Variants in CUL4A observed in about 807,000 individuals in gnomAD.
CUL4A encodes the protein cullin 4A, also known as cullin-4A.
A neutral mutation model predicts 95.5 loss-of-function variants in CUL4A; 16 were observed. That is an observed-to-expected ratio of 0.17 (90% CI 0.11 to 0.25). The LOEUF (loss-of-function observed/expected upper bound fraction) is 0.25, where lower values mean the gene tolerates loss of function less well. Among genes scored for constraint, CUL4A ranks in the 10% least tolerant of loss-of-function variants. The probability of loss-of-function intolerance (pLI) is 1.00; values close to 1 mark genes in which losing one functional copy is unlikely to be tolerated. For missense variants in CUL4A, 610 were observed against 937.0 expected (o/e 0.65, Z 4.56); for synonymous variants, 380 against 353.1 (o/e 1.08, Z -0.85).
chr13:113,214,968 G>C, intron 2 of CUL4A, among the ~76,000 whole-genome samples: 1 of 150,428 alleles, frequency 6.6e-6, no homozygotes, highest in South Asian at 2.1e-4. Flanking sequence ...CCATGTGGCT[G>C]TGGACATCTT....
chr13:113,242,142 C>G (rs1261692702), intron 10 of CUL4A, among the ~76,000 whole-genome samples: 2 of 152,054 alleles, frequency 1.3e-5, no homozygotes, highest in African/African-American at 4.8e-5. Flanking sequence ...TGGTGAAACC[C>G]CGTCTCTAGC....
At position 113,239,414 on chromosome 13, in the gene CUL4A, C is replaced by A; in HGVS notation, c.917-19C>A. 1 of 1,589,416 alleles carries A rather than the reference C, an allele frequency of 6.3e-7. No individual in the cohort carries two copies. The highest frequency in any genetic ancestry group is 8.6e-7 in the Non-Finnish European group (1 of 1,157,550). ...TGCTGCCCATGCTGTACTCTGCTGA[C>A]GTGTACTGCACATCTCAGGGCTCGA... On this transcript the variant is annotated intron_variant, in intron 9 of 19. Coordinates refer to ENST00000375440, the MANE Select transcript of CUL4A (RefSeq NM_001008895.4).
At chr13:113,229,004 T>C (rs1230104904) in intron 4 of CUL4A, among the ~76,000 whole-genome samples, 4 of 151,036 alleles carry the variant, frequency 2.6e-5, no homozygotes, top group Non-Finnish European at 5.9e-5. Context: ...GGTGGGCGCC[T>C]GTAGTCCCAG....
intron 6 of CUL4A, among the ~76,000 whole-genome samples, 189 bp downstream of exon 6, chr13:113,233,528 A>T (rs1465065784): frequency 6.8e-6 from 1 of 147,810 alleles, no homozygotes; most frequent in Non-Finnish European, 1.5e-5. Flanking sequence ...AAAAGAGAAG[A>T]TAGATCAATA....
chr13:113,224,594 C>T (rs1262463073), intron 3 of CUL4A, among the ~76,000 whole-genome samples: 1 of 152,202 alleles, frequency 6.6e-6, no homozygotes. Context: ...CTAAGTGTGC[C>T]TTTATGATCC....
At chr13:113,245,275 AG>A (rs1203353602) in intron 14 of CUL4A, 38 bp downstream of exon 14, 9 of 1,564,930 alleles carry the variant, frequency 5.8e-6, no homozygotes. Flanking sequence ...CTTTTTAAAA[AG>A]TATCTGTTAG....
intron 15 of CUL4A, among the ~76,000 whole-genome samples, chr13:113,248,348 T>C (rs1019998298): frequency 5.9e-5 from 9 of 152,192 alleles, no homozygotes; most frequent in African/African-American, 1.7e-4. Flanking sequence ...TTCTCTCTCT[T>C]TATATCATTA....
chr13:113,234,379 A>G (rs1177208167), intron 7 of CUL4A, among the ~76,000 whole-genome samples: 1 of 152,220 alleles, frequency 6.6e-6, no homozygotes, highest in East Asian at 1.9e-4. Flanking sequence ...AACATGTAGT[A>G]GTAATAGGAA....
intron 2 of CUL4A, among the ~76,000 whole-genome samples, chr13:113,212,972 T>G (rs940935694): frequency 6.6e-6 from 1 of 152,224 alleles, no homozygotes; most frequent in Non-Finnish European, 1.5e-5. Flanking sequence ...TTCTGGCTAT[T>G]CTTGGTCCCT....
intron 5 of CUL4A, chr13:113,229,999 T>A (rs2041253006): frequency 7.0e-6 from 2 of 286,242 alleles, no homozygotes; most frequent in Non-Finnish European, 1.3e-5. Context: ...CTGGGGCCTT[T>A]CCTCAGCAGC....
chr13:113,266,886 T>C lies in CUL4A; in HGVS notation c.*3304T>C, dbSNP rs1422135939. 1 of 152,232 alleles carries C rather than the reference T, an allele frequency of 6.6e-6. No individual in the cohort carries two copies. Among genetic ancestry groups the C allele is most frequent in the East Asian group, 1.9e-4 (1 of 5,206 alleles). The allele number at this position is 152,232 out of a possible 1,614,324, so 9.4% of individuals were successfully genotyped here. ...TTTTTTTGTAAATTGACTATTATTG[T>C]ATAAATTTATAGAGTATAAAGTGAT... On this transcript the variant is annotated 3_prime_UTR_variant, in exon 20 of 20. Transcript: ENST00000375440.
At chr13:113,209,598 G>C (rs1484593643), upstream of CUL4A, 3 of 1,004,334 alleles carry the variant, frequency 3.0e-6, no homozygotes, top group South Asian at 4.5e-5. Context: ...GGCGGCGCTC[G>C]GGGCGGGGCG....
chr13:113,225,250 T>C (rs1163464787), intron 3 of CUL4A, among the ~76,000 whole-genome samples: 2 of 152,222 alleles, frequency 1.3e-5, no homozygotes, highest in Non-Finnish European at 2.9e-5. Context: ...AGACTCACGG[T>C]GTCTGTGTGT....
At position 113,233,977 on chromosome 13, in the gene CUL4A, G is replaced by T. The variant is rs777156549; in HGVS notation, c.756G>T (p.Gln252His). 6.2e-7 allele frequency: 1 copy of T among 1,605,664 alleles called. No individual in the cohort carries two copies. Among genetic ancestry groups the T allele is most frequent in the East Asian group, 2.2e-5 (1 of 44,640 alleles). ...LYAAEGQRLM[Q>H]EREVPEYLNH... ...CTGCCGAAGGCCAAAGGTTAATGCA[G>T]GAAAGAGAGGTGAGATGATGGGATG... Residue 252 changes from glutamine to histidine, a missense_variant, in exon 7 of 20, where the codon CAG (glutamine) becomes CAT (histidine). Gln to His is a conservative substitution (Grantham distance 24, BLOSUM62 0). Coordinates refer to ENST00000375440, the MANE Select transcript of CUL4A (RefSeq NM_001008895.4).
chr13:113,244,206 A>T, intron 11 of CUL4A: 1 of 470,516 alleles, frequency 2.1e-6, no homozygotes. Context: ...TTAAACATTC[A>T]GTCCTGGCTT....
chr13:113,255,696 A>G (rs1041010631), intron 18 of CUL4A, among the ~76,000 whole-genome samples: 1 of 152,108 alleles, frequency 6.6e-6, no homozygotes, highest in African/African-American at 2.4e-5. Context: ...TTTATTTATT[A>G]GAACGTATTT....
intron 2 of CUL4A, among the ~76,000 whole-genome samples, chr13:113,210,446 T>G (rs760737584): frequency 1.3e-5 from 2 of 152,100 alleles, no homozygotes; most frequent in African/African-American, 4.8e-5. Context: ...AATAAGAGGG[T>G]CTTTTCTCTG....
intron 10 of CUL4A, among the ~76,000 whole-genome samples, chr13:113,242,664 T>C (rs2041749959): frequency 6.6e-6 from 1 of 152,134 alleles, no homozygotes; most frequent in African/African-American, 2.4e-5. Flanking sequence ...CCTGAGCCTG[T>C]AGCACCAGCT....
intron 16 of CUL4A, among the ~76,000 whole-genome samples, chr13:113,253,512 A>G (rs182747799): frequency 2.0e-5 from 3 of 152,326 alleles, no homozygotes; most frequent in Admixed American, 2.0e-4. Context: ...GCTTCAAAGT[A>G]AAATACAGTA....
Sources: allele counts gnomAD v4.1 joint callset (sites outside exome capture counted in the v4.1 genomes callset), GRCh38; gene constraint gnomAD v4.1.1; transcripts MANE v1.5; gene names NCBI Gene and HGNC (gene_info 2026-07-23, HGNC 2026-07-21).